CYP3A43: variants seen among roughly 807,000 people sequenced by gnomAD.
The protein encoded by CYP3A43 is cytochrome P450 family 3 subfamily A member 43, also known as cytochrome P450 3A43.
A neutral mutation model predicts 58.0 loss-of-function variants in CYP3A43; 45 were observed. The ratio of observed to expected loss-of-function variants is 0.78; its 90% CI spans 0.61 to 0.99. The LOEUF (loss-of-function observed/expected upper bound fraction) is 0.99. Ranked by LOEUF, CYP3A43 falls within the 50% of genes least tolerant of loss-of-function variation. The probability of loss-of-function intolerance (pLI) is 0.00; values close to 1 mark genes in which losing one functional copy is unlikely to be tolerated. For missense variants in CYP3A43, 593 were observed against 591.9 expected (o/e 1.00, Z -0.02); for synonymous variants, 191 against 201.4 (o/e 0.95, Z 0.44).
chr7:99,849,760 A>AT, intron 7 of CYP3A43, 66 bp downstream of exon 7: 1 of 1,429,304 alleles, frequency 7.0e-7, no homozygotes, highest in South Asian at 1.5e-5. Context: ...AAACAGTTTT[A>AT]TTGAAAACAA....
chr7:99,842,787 T>C lies in CYP3A43; in HGVS notation c.219-1356T>C, dbSNP rs1817386765. Among the ~76,000 whole-genome samples the C allele has an allele frequency of 2.6e-5, 4 of 152,198 alleles. No homozygotes were observed. The South Asian group carries it at 8.3e-4, about 32-fold the overall frequency. On this transcript the variant is annotated intron_variant, in intron 3 of 12. Transcript: ENST00000354829. ...TAAGAAAGCCAGATTCCCAAAATGA[T>C]AGAAGGCCACATATCTCCCCAGATG...
In CYP3A43 at chr7:99,866,003, T is replaced by A. The variant is rs1349268684; in HGVS notation, c.*2T>A. 19 of 1,583,692 alleles carry A rather than the reference T, an allele frequency of 1.2e-5. No individual in the cohort carries two copies. Among genetic ancestry groups the A allele is most frequent in the Non-Finnish European group, 1.6e-5 (18 of 1,161,080 alleles). On this transcript the variant is annotated 3_prime_UTR_variant, in exon 13 of 13. Coordinates refer to ENST00000354829, the MANE Select transcript of CYP3A43 (RefSeq NM_057095.3). ...GATGGGATTACAAGTGGACCCTGACTTTCCCTAAGGACTTCCACTTTGTTC... is the reference window on the plus strand; with the variant it reads ...GATGGGATTACAAGTGGACCCTGACATTCCCTAAGGACTTCCACTTTGTTC...
chr7:99,863,827 T>A, intron 12 of CYP3A43, 128 bp downstream of exon 12: 1 of 710,938 alleles, frequency 1.4e-6, no homozygotes, highest in South Asian at 2.8e-5. Context: ...ATTGGAGCTA[T>A]CCATAATGCT....
intron 4 of CYP3A43, among the ~76,000 whole-genome samples, chr7:99,846,523 C>G (rs1467880673): frequency 1.3e-5 from 2 of 152,098 alleles, no homozygotes; most frequent in African/African-American, 4.8e-5. Context: ...TTTATGTCAC[C>G]CGAAAATAGA....
chr7:99,838,679 G>A (rs1472489424), intron 2 of CYP3A43: 3 of 1,288,190 alleles, frequency 2.3e-6, no homozygotes, highest in East Asian at 1.1e-4. Context: ...TCCTTAAGAG[G>A]TCTCTGAATA....
In CYP3A43 at chr7:99,830,021, T is replaced by C. The variant is rs73393655; in HGVS notation, c.71+1835T>C. Among the ~76,000 whole-genome samples, 852 of 152,270 alleles carry C rather than the reference T, an allele frequency of 5.6e-3. 9 individuals are homozygous for C. Among genetic ancestry groups the C allele is most frequent in the African/African-American group, 0.02 (820 of 41,540 alleles). ...CCCCAAAATATGGCACTTAAGCATG[T>C]TGAGGACTTTGAACCAAAGGAAATT... is the stretch of plus-strand genomic sequence containing the variant. On this transcript the variant is annotated intron_variant, in intron 1 of 12. Transcript: ENST00000354829.
chr7:99,856,956 G>GT (rs1442838139), intron 9 of CYP3A43, 57 bp downstream of exon 9: 11 of 1,547,414 alleles, frequency 7.1e-6, no homozygotes, highest in Non-Finnish European at 9.6e-6. Flanking sequence ...AGAAGGCCCT[G>GT]TTCTGAAAAT....
At chr7:99,845,965 C>G (rs972273495) in intron 4 of CYP3A43, among the ~76,000 whole-genome samples, 4 of 149,356 alleles carry the variant, frequency 2.7e-5, no homozygotes, top group Admixed American at 6.7e-5. Flanking sequence ...TTAGTAGATA[C>G]GGGGTTTCGC....
At chr7:99,848,771 G>A (rs1817634111) in intron 6 of CYP3A43, among the ~76,000 whole-genome samples, 1 of 152,156 alleles carries the variant, frequency 6.6e-6, no homozygotes, top group South Asian at 2.1e-4. Flanking sequence ...AAAAGACTCT[G>A]TAAAGGCTAT....
At chr7:99,864,687 A>G (rs545115425) in intron 12 of CYP3A43, among the ~76,000 whole-genome samples, 2 of 148,774 alleles carry the variant, frequency 1.3e-5, no homozygotes, top group Non-Finnish European at 2.9e-5. Flanking sequence ...CTTGCAGAGG[A>G]CATTATCCAT....
chr7:99,861,388 C>CT (rs1462637549), intron 10 of CYP3A43, among the ~76,000 whole-genome samples: 1 of 152,178 alleles, frequency 6.6e-6, no homozygotes, highest in Non-Finnish European at 1.5e-5. Flanking sequence ...ATTTCAGTCT[C>CT]TGTGTAAGTG....
At position 99,844,141 on chromosome 7, in the gene CYP3A43, A is replaced by G; in HGVS notation, c.219-2A>G. 6.2e-7 allele frequency: 1 copy of G among 1,611,234 alleles called. No individual in the cohort carries two copies. Among genetic ancestry groups the G allele is most frequent in the Non-Finnish European group, 8.5e-7 (1 of 1,178,660 alleles). On this transcript the variant is annotated splice_acceptor_variant, in intron 3 of 12. Coordinates refer to ENST00000354829, the MANE Select transcript of CYP3A43 (RefSeq NM_057095.3). LOFTEE classifies it high-confidence loss of function. The stretch of plus-strand genomic sequence containing the variant: ...TAGTCAGCTCTGTTTTCCCCCACAC[A>G]GGCTGTATGAGGGGCAACAGCCCAT...
chr7:99,850,434 G>C (rs1230245816), intron 7 of CYP3A43, among the ~76,000 whole-genome samples: 1 of 151,834 alleles, frequency 6.6e-6, no homozygotes, highest in African/African-American at 2.4e-5. Context: ...ACTAATTTTT[G>C]TATTTTTAGT....
rs1818151028 is a variant in CYP3A43, at chr7:99,859,824, T to C, written c.866-6T>C. Reference sequence around the variant, plus strand: ...TTTTCCTAAAATATATTTCCTCTCCTTTCAGCTCTGTCTGATCTGGAGCTT... The same window carrying C: ...TTTTCCTAAAATATATTTCCTCTCCCTTCAGCTCTGTCTGATCTGGAGCTT... On this transcript the variant is annotated splice_region_variant and splice_polypyrimidine_tract_variant and intron_variant, in intron 9 of 12. Transcript: ENST00000354829. The C allele has an allele frequency of 1.2e-6, 2 of 1,614,168 alleles. No homozygotes were observed. Among genetic ancestry groups the C allele is most frequent in the Non-Finnish European group, 1.7e-6 (2 of 1,180,018 alleles).
chr7:99,847,522 TAA>T lies in CYP3A43; in HGVS notation c.354_355del (p.Ser119PhefsTer3). 1 of 1,614,030 alleles carries T rather than the reference TAA, an allele frequency of 6.2e-7. No individual in the cohort carries two copies. The highest frequency in any genetic ancestry group is 8.5e-7 in the Non-Finnish European group (1 of 1,179,984). On this transcript the variant is annotated frameshift_variant, in exon 5 of 13. Transcript: ENST00000354829. LOFTEE classifies it high-confidence loss of function. ...CCAATGGGATTTCTGAAAAGTGCCT[TAA>T]GTTTTGCTGAAGATGAAGAATGGAA...
At chr7:99,861,491 A>C in intron 10 of CYP3A43, 122 bp from the exon 11 acceptor site, 1 of 843,272 alleles carries the variant, frequency 1.2e-6, no homozygotes, top group Non-Finnish European at 1.8e-6. Flanking sequence ...TTATAAATGC[A>C]ACAATCTTTT....
At chr7:99,855,762 T>C (rs1817953063) in intron 8 of CYP3A43, 44 bp downstream of exon 8, 2 of 1,550,518 alleles carry the variant, frequency 1.3e-6, no homozygotes, top group African/African-American at 1.4e-5. Context: ...ACTTTTTTAT[T>C]ATATTTTTGG....
chr7:99,848,361 A>T (rs1817619692), intron 6 of CYP3A43, 107 bp downstream of exon 6: 1 of 1,223,088 alleles, frequency 8.2e-7, no homozygotes, highest in African/African-American at 1.5e-5. Context: ...GGACAAAAGC[A>T]GGGCTGTGGT....
intron 6 of CYP3A43, 140 bp downstream of exon 6, chr7:99,848,394 C>A: frequency 1.3e-6 from 1 of 786,536 alleles, no homozygotes; most frequent in Non-Finnish European, 2.1e-6. Flanking sequence ...ATAGGCCACC[C>A]AAGATGGTGT....
Sources: gnomAD v4.1 joint callset for allele counts (sites outside exome capture counted in the v4.1 genomes callset) on GRCh38, gnomAD v4.1.1 for gene constraint, MANE v1.5 for transcripts, NCBI Gene and HGNC (gene_info 2026-07-23, HGNC 2026-07-21) for gene names.